Variants in GMDS observed in about 807,000 individuals in gnomAD.
GMDS encodes the protein GDP-mannose 4,6 dehydratase.
A neutral mutation model predicts 49.9 loss-of-function variants in GMDS; 20 were observed. The observed-to-expected ratio is 0.40, with a 90% CI of 0.28 to 0.58. The LOEUF (loss-of-function observed/expected upper bound fraction) is 0.58, where lower values mean the gene tolerates loss of function less well. Among genes scored for constraint, GMDS ranks in the 20% least tolerant of loss-of-function variants. The pLI is 0.42. For missense variants in GMDS, 362 were observed against 481.4 expected, an observed-to-expected ratio of 0.75 and a Z score of 2.32; for synonymous variants, 177 against 178.6, an observed-to-expected ratio of 0.99 and a Z score of 0.07.
At chr6:2,107,915 A>G (rs1036743199) in intron 4 of GMDS, among the ~76,000 whole-genome samples, 1 of 152,214 alleles carries the variant, frequency 6.6e-6, no homozygotes, top group Non-Finnish European at 1.5e-5. Flanking sequence ...CTCATAAGGA[A>G]TCTTTATTAT....
chr6:1,748,676 A>C (rs1247374379), intron 7 of GMDS, among the ~76,000 whole-genome samples: 1 of 152,244 alleles, frequency 6.6e-6, no homozygotes, highest in Non-Finnish European at 1.5e-5. Context: ...CTGTTGCAGC[A>C]CAAAACAGCC....
intron 1 of GMDS, among the ~76,000 whole-genome samples, chr6:2,197,098 T>C (rs1328667556): frequency 2.0e-5 from 3 of 152,360 alleles, no homozygotes; most frequent in South Asian, 4.1e-4. Context: ...TAATGTCTTA[T>C]GTGAAGAACG....
At chr6:1,760,966 G>A (rs1561787671) in intron 7 of GMDS, among the ~76,000 whole-genome samples, 1 of 152,126 alleles carries the variant, frequency 6.6e-6, no homozygotes, top group Non-Finnish European at 1.5e-5. Flanking sequence ...CAACACAGAT[G>A]AAAAGGGAAG....
intron 1 of GMDS, among the ~76,000 whole-genome samples, chr6:2,131,951 G>A (rs1775762347): frequency 6.6e-6 from 1 of 152,062 alleles, no homozygotes; most frequent in African/African-American, 2.4e-5. Context: ...TACAAATGAT[G>A]ACAGCAGTAC....
At chr6:1,845,085 T>A (rs1162844426) in intron 7 of GMDS, among the ~76,000 whole-genome samples, 1 of 152,246 alleles carries the variant, frequency 6.6e-6, no homozygotes, top group Non-Finnish European at 1.5e-5. Flanking sequence ...TGACTCTGGT[T>A]ACAGGAGGAA....
intron 7 of GMDS, among the ~76,000 whole-genome samples, chr6:1,792,285 T>A (rs1260020588): frequency 6.6e-6 from 1 of 152,114 alleles, no homozygotes; most frequent in East Asian, 1.9e-4. Context: ...ATATATCATT[T>A]TCTCACACTC....
intron 1 of GMDS, among the ~76,000 whole-genome samples, chr6:2,162,537 T>C (rs1346948596): frequency 6.6e-6 from 1 of 152,196 alleles, no homozygotes; most frequent in African/African-American, 2.4e-5. Flanking sequence ...TTGTTTTTTC[T>C]AGTCTCATGT....
intron 1 of GMDS, among the ~76,000 whole-genome samples, chr6:2,214,365 C>CA (rs1780217796): frequency 6.6e-6 from 1 of 151,890 alleles, no homozygotes; most frequent in South Asian, 2.1e-4. Context: ...AACTGCAGAT[C>CA]AAAAATATGA....
intron 1 of GMDS, among the ~76,000 whole-genome samples, chr6:2,173,121 G>T (rs560983984): frequency 6.6e-6 from 1 of 152,190 alleles, no homozygotes; most frequent in East Asian, 1.9e-4. Flanking sequence ...AAAGAAATCT[G>T]CACTTCTAGG....
chr6:2,163,463 C>T (rs971400701), intron 1 of GMDS, among the ~76,000 whole-genome samples: 1 of 152,062 alleles, frequency 6.6e-6, no homozygotes, highest in African/African-American at 2.4e-5. Context: ...TTTACTACAA[C>T]AAACTGGCTC....
chr6:2,190,472 T>C (rs1418275361), intron 1 of GMDS, among the ~76,000 whole-genome samples: 1 of 152,204 alleles, frequency 6.6e-6, no homozygotes, highest in Admixed American at 6.5e-5. Context: ...ACAAGTCATG[T>C]TTTTGCTCAA....
chr6:1,658,072 C>G (rs1005011822), intron 9 of GMDS, among the ~76,000 whole-genome samples: 1 of 152,110 alleles, frequency 6.6e-6, no homozygotes, highest in South Asian at 2.1e-4. Context: ...CAAATAGATA[C>G]CTGAATGATT....
intron 4 of GMDS, among the ~76,000 whole-genome samples, chr6:1,980,695 A>C (rs10900915): frequency 0.35 from 53,397 of 152,068 alleles, 9,585 homozygotes; most frequent in Middle Eastern, 0.45. Context: ...CTCTGGATCA[A>C]GAGGATCTGA....
chr6:1,841,530 A>AT (rs1477723684), intron 7 of GMDS, among the ~76,000 whole-genome samples: 1 of 152,108 alleles, frequency 6.6e-6, no homozygotes, highest in African/African-American at 2.4e-5. Context: ...TTACCAACTC[A>AT]TTTTTTTCCT....
intron 4 of GMDS, among the ~76,000 whole-genome samples, chr6:2,048,701 T>C (rs1770177790): frequency 6.6e-6 from 1 of 152,222 alleles, no homozygotes; most frequent in Non-Finnish European, 1.5e-5. Context: ...TATAATTTCC[T>C]CTCAATAATG....
At chr6:1,994,401 A>C (rs966031896) in intron 4 of GMDS, among the ~76,000 whole-genome samples, 1 of 152,144 alleles carries the variant, frequency 6.6e-6, no homozygotes, top group African/African-American at 2.4e-5. Context: ...GAGGGAAATG[A>C]TATGCTATAT....
At chr6:1,975,394 T>C (rs1423383415) in intron 4 of GMDS, among the ~76,000 whole-genome samples, 1 of 152,198 alleles carries the variant, frequency 6.6e-6, no homozygotes, top group African/African-American at 2.4e-5. Flanking sequence ...GGGAGAATGT[T>C]CCAGCTCCCA....
intron 4 of GMDS, among the ~76,000 whole-genome samples, chr6:1,992,043 G>A (rs1213891915): frequency 5.3e-5 from 8 of 152,254 alleles, no homozygotes; most frequent in Admixed American, 5.2e-4. Context: ...CAGCCCTGCT[G>A]ACACCTTAGT....
At chr6:1,896,617 T>C (rs959441412) in intron 7 of GMDS, among the ~76,000 whole-genome samples, 2 of 151,942 alleles carry the variant, frequency 1.3e-5, no homozygotes, top group Non-Finnish European at 2.9e-5. Flanking sequence ...GCAGGACCCA[T>C]GTGAGGCGGG....
Sources: allele counts gnomAD v4.1 joint callset (sites outside exome capture counted in the v4.1 genomes callset), GRCh38; gene constraint gnomAD v4.1.1; transcripts MANE v1.5; gene names NCBI Gene and HGNC (gene_info 2026-07-23, HGNC 2026-07-21).